The following PTPN11 variants were observed in gnomAD, a reference collection of about 807,000 sequenced individuals.
PTPN11 encodes the protein tyrosine-protein phosphatase non-receptor type 11.
PTPN11 carries 6 observed loss-of-function variants against 78.8 expected under a neutral mutation model. The ratio of observed to expected loss-of-function variants is 0.08; its 90% CI spans 0.04 to 0.15. The LOEUF is 0.15. Among genes scored for constraint, PTPN11 ranks in the 10% least tolerant of loss-of-function variants. The pLI is 1.00. For synonymous variants in PTPN11, 221 were observed against 263.5 expected, an observed-to-expected ratio of 0.84 and a Z score of 1.56; for missense variants, 386 against 744.8, an observed-to-expected ratio of 0.52 and a Z score of 5.61.
chr12:112,436,860 A>G (rs1376871281), intron 1 of PTPN11, among the ~76,000 whole-genome samples: 1 of 152,140 alleles, frequency 6.6e-6, no homozygotes, highest in African/African-American at 2.4e-5. Flanking sequence ...GTTAGAACTG[A>G]CTTCAGTCCT....
intron 6 of PTPN11, among the ~76,000 whole-genome samples, chr12:112,467,847 C>T (rs1351557877): frequency 6.6e-6 from 1 of 152,168 alleles, no homozygotes; most frequent in Non-Finnish European, 1.5e-5. Context: ...TGAGAACTCA[C>T]TGTGAGGATG....
chr12:112,474,418 A>G (rs939187945), intron 7 of PTPN11, among the ~76,000 whole-genome samples: 1 of 151,590 alleles, frequency 6.6e-6, no homozygotes, highest in Non-Finnish European at 1.5e-5. Flanking sequence ...GGGTCTCCCT[A>G]TGTTGCCCAG....
At position 112,450,314 on chromosome 12, in the gene PTPN11, T is replaced by G. The variant is rs959868124; in HGVS notation, c.138-4T>G. 1.9e-6 allele frequency: 3 copies of G among 1,599,452 alleles called. No individual in the cohort carries two copies. The highest frequency in any genetic ancestry group is 3.3e-5 in the Admixed American group (2 of 59,954). On this transcript the variant is annotated splice_region_variant and splice_polypyrimidine_tract_variant and intron_variant, in intron 2 of 15. Coordinates refer to ENST00000351677, the MANE Select transcript of PTPN11 (RefSeq NM_002834.5). ...TTGCCTCCCTTTCCAATGGACTATT[T>G]TAGAAGAAATGGAGCTGTCACCCAC... is the stretch of plus-strand genomic sequence containing the variant.
At chr12:112,450,560 T>A (rs891118259) in intron 3 of PTPN11, 48 bp downstream of exon 3, 2 of 1,558,042 alleles carry the variant, frequency 1.3e-6, no homozygotes, top group Non-Finnish European at 1.8e-6. Flanking sequence ...CCTTGTGCCC[T>A]GAGTGTCAGA....
At chr12:112,452,606 C>T (rs566890958) in intron 3 of PTPN11, among the ~76,000 whole-genome samples, 1 of 151,976 alleles carries the variant, frequency 6.6e-6, no homozygotes, top group East Asian at 1.9e-4. Context: ...TAGCGCACTG[C>T]AGCCTCGACC....
chr12:112,465,420 C>CAAA (rs78570969), intron 6 of PTPN11, among the ~76,000 whole-genome samples: 1 of 90,772 alleles, frequency 1.1e-5, no homozygotes, highest in Non-Finnish European at 2.4e-5. Flanking sequence ...GAGTGTATCA[C>CAAA]AAAAAAAAAA....
intron 14 of PTPN11, among the ~76,000 whole-genome samples, chr12:112,503,139 C>A (rs1051201407): frequency 6.6e-6 from 1 of 152,114 alleles, no homozygotes; most frequent in African/African-American, 2.4e-5. Context: ...AAAACAAAGA[C>A]CCAATAACAA....
In PTPN11 at chr12:112,442,854, AT is replaced by A. The variant is rs1566162639; in HGVS notation, c.15-3421del. Among the ~76,000 whole-genome samples the A allele has an allele frequency of 3.8e-4, 36 of 95,174 alleles. No homozygotes were observed. The East Asian group carries it at 6.2e-3, about 16-fold the overall frequency. The allele number at this position is 95,174 out of a possible 152,430, so 62.4% of individuals were successfully genotyped here. A position where few individuals can be genotyped will look rare whatever the true frequency, so the allele number is the denominator to read the frequency against. On this transcript the variant is annotated intron_variant, in intron 1 of 15. Coordinates refer to ENST00000351677, the MANE Select transcript of PTPN11 (RefSeq NM_002834.5). ...TTTATATATATATATATATATATAT[AT>A]ATATATATATATATATATATATAAA...
intron 6 of PTPN11, among the ~76,000 whole-genome samples, chr12:112,461,022 A>G (rs2038239490): frequency 6.6e-6 from 1 of 152,086 alleles, no homozygotes; most frequent in South Asian, 2.1e-4. Flanking sequence ...TGGTGGACTT[A>G]AGCATGTATC....
At chr12:112,424,957 TGTG>T (rs2037588727) in intron 1 of PTPN11, among the ~76,000 whole-genome samples, 2 of 17,800 alleles carry the variant, frequency 1.1e-4, no homozygotes. Flanking sequence ...TCAGGCTAAT[TGTG>T]TGTGTGTGTG....
At chr12:112,442,030 G>A (rs911882077) in intron 1 of PTPN11, among the ~76,000 whole-genome samples, 2 of 152,068 alleles carry the variant, frequency 1.3e-5, no homozygotes, top group Non-Finnish European at 2.9e-5. Flanking sequence ...GCCCGCCTCG[G>A]CCTCCCAAAG....
At chr12:112,458,212 T>G (rs1025162126) in intron 6 of PTPN11, among the ~76,000 whole-genome samples, 25 of 152,158 alleles carry the variant, frequency 1.6e-4, no homozygotes, top group African/African-American at 5.8e-4. Context: ...TTTGTTTTGT[T>G]TTGTTTTTTT....
Position 112,490,325 on chromosome 12 carries a change from A to ATTT in PTPN11, c.1599+1150_1599+1151insTTT, listed in dbSNP as rs1432778639. 3.0e-4 allele frequency among the ~76,000 whole-genome samples: 33 copies of ATTT among 111,694 alleles called. 1 individual carries two copies. Among genetic ancestry groups the ATTT allele is most frequent in the African/African-American group, 1.1e-3 (31 of 28,678 alleles). The allele number at this position is 111,694 out of a possible 152,430, so 73.3% of individuals were successfully genotyped here. The stretch of plus-strand genomic sequence containing the variant: ...ATGTCTTTTTTTTTTTTTTTTTTTG[A>ATTT]GAGAGAGGTCTCTCTCTGTTGCCCA... On this transcript the variant is annotated intron_variant, in intron 13 of 15. Coordinates refer to ENST00000351677, the MANE Select transcript of PTPN11 (RefSeq NM_002834.5).
At chr12:112,490,877 G>T (rs901379788) in intron 13 of PTPN11, among the ~76,000 whole-genome samples, 1 of 152,340 alleles carries the variant, frequency 6.6e-6, no homozygotes, top group South Asian at 2.1e-4. Flanking sequence ...TTGTGGTAAA[G>T]TAAGAAGTAC....
intron 6 of PTPN11, among the ~76,000 whole-genome samples, chr12:112,467,504 T>C (rs1215463765): frequency 6.6e-6 from 1 of 152,096 alleles, no homozygotes; most frequent in Non-Finnish European, 1.5e-5. Context: ...TTTAATTTTA[T>C]TTTAATTTGA....
At chr12:112,459,032 CAA>C (rs1290018033) in intron 6 of PTPN11, among the ~76,000 whole-genome samples, 2 of 63,246 alleles carry the variant, frequency 3.2e-5, no homozygotes, top group Non-Finnish European at 4.8e-5. Context: ...GAACCTGTCC[CAA>C]AAAAAAAAAA....
chr12:112,433,296 T>C (rs990735967), intron 1 of PTPN11, among the ~76,000 whole-genome samples: 2 of 152,208 alleles, frequency 1.3e-5, no homozygotes, highest in African/African-American at 2.4e-5. Context: ...TGTACAGGTG[T>C]GTAGCCTAGG....
intron 1 of PTPN11, among the ~76,000 whole-genome samples, chr12:112,438,772 T>G (rs1015208303): frequency 6.6e-6 from 1 of 152,092 alleles, no homozygotes; most frequent in African/African-American, 2.4e-5. Flanking sequence ...CTTGAGCCAC[T>G]GTGCCTGGTC....
chr12:112,509,496 A>C lies in PTPN11; in HGVS notation c.*3704A>C, dbSNP rs865852938. On this transcript the variant is annotated 3_prime_UTR_variant, in exon 16 of 16. Transcript: ENST00000351677. ...GATTAAGCTGATGACTAGACCTACAATTAATTTTCCTGCAGTATATGAAGT... is the reference window on the plus strand; with the variant it reads ...GATTAAGCTGATGACTAGACCTACACTTAATTTTCCTGCAGTATATGAAGT... The C allele has an allele frequency of 2.6e-5, 4 of 152,640 alleles. No individual in the cohort carries two copies. The highest frequency in any genetic ancestry group is 5.9e-5 in the Non-Finnish European group (4 of 68,040). 9.5% of individuals were successfully genotyped at this position (152,640 alleles called of 1,614,324 possible). A position where few individuals can be genotyped will look rare whatever the true frequency, so the allele number is the denominator to read the frequency against.
Sources: allele counts gnomAD v4.1 joint callset (sites outside exome capture counted in the v4.1 genomes callset), GRCh38; gene constraint gnomAD v4.1.1; transcripts MANE v1.5; gene names NCBI Gene and HGNC (gene_info 2026-07-23, HGNC 2026-07-21).